Variants in TMEM132D observed in about 807,000 individuals in gnomAD.
TMEM132D encodes the protein transmembrane protein 132D.
A neutral mutation model predicts 62.3 loss-of-function variants in TMEM132D; 21 were observed. The observed-to-expected ratio is 0.34, with a 90% CI of 0.24 to 0.49. TMEM132D has a LOEUF of 0.49. TMEM132D is among the 20% of genes least tolerant of loss of function. The probability of loss-of-function intolerance (pLI) is 0.99; values close to 1 mark genes in which losing one functional copy is unlikely to be tolerated. For synonymous variants in TMEM132D, 621 were observed against 575.6 expected (o/e 1.08, Z -1.13); for missense variants, 1,346 against 1,402.8 (o/e 0.96, Z 0.65).
intron 5 of TMEM132D, among the ~76,000 whole-genome samples, chr12:129,128,742 C>G (rs1307286122): frequency 1.3e-5 from 2 of 152,094 alleles, no homozygotes; most frequent in Non-Finnish European, 2.9e-5. Context: ...AACCCTCACC[C>G]CCTCCCATCC....
At position 129,090,776 on chromosome 12, in the gene TMEM132D, G is replaced by A. The variant is rs564303814; in HGVS notation, c.1444-6074C>T. Among the ~76,000 whole-genome samples, 26 of 152,262 alleles carry A rather than the reference G, an allele frequency of 1.7e-4. No homozygotes were observed. In the East Asian group the frequency reaches 4.2e-3, roughly 25 times the overall value. ...CTTAGAAATTTAGATTTCTAGCATC[G>A]CTTGAGAATTCAGACACTGGCAAAA... On this transcript the variant is annotated intron_variant, in intron 5 of 8. Coordinates refer to ENST00000422113, the MANE Select transcript of TMEM132D (RefSeq NM_133448.3).
At chr12:129,501,945 C>T (rs1465224617) in intron 3 of TMEM132D, among the ~76,000 whole-genome samples, 1 of 152,158 alleles carries the variant, frequency 6.6e-6, no homozygotes, top group Non-Finnish European at 1.5e-5. Context: ...TTCAAGTCCT[C>T]CATCTGTGAA....
chr12:129,779,729 C>A lies in TMEM132D; in HGVS notation c.80-79031G>T, dbSNP rs1871061771. 6.6e-6 allele frequency among the ~76,000 whole-genome samples: 1 copy of A among 152,128 alleles called. No individual in the cohort carries two copies. Among genetic ancestry groups the A allele is most frequent in the South Asian group, 2.1e-4 (1 of 4,824 alleles). ...AGACACAGCTCTTGTTCTGGCGAGT[C>A]TCATTACTTATGGTTTATTCTGGGA... On this transcript the variant is annotated intron_variant, in intron 1 of 8. Transcript: ENST00000422113. The surrounding 1 kb of genome is among the most constrained non-coding windows in gnomAD (Gnocchi z 4.1).
intron 5 of TMEM132D, among the ~76,000 whole-genome samples, chr12:129,088,292 C>CG (rs1338933162): frequency 8.9e-5 from 3 of 33,890 alleles, no homozygotes; most frequent in African/African-American, 6.9e-4. Flanking sequence ...CCTCTATGAC[C>CG]GGGTGTCCTC....
intron 3 of TMEM132D, among the ~76,000 whole-genome samples, chr12:129,357,679 AAG>A (rs140748378): frequency 6.6e-6 from 1 of 151,460 alleles, no homozygotes; most frequent in Non-Finnish European, 1.5e-5. Flanking sequence ...GAGAGAAAGA[AAG>A]AGAGAGAGAG....
rs546381508 is a variant in TMEM132D, at chr12:129,133,080, C to G, written c.1444-48378G>C. ...TTCTCTTCTGGGTTCCTGAGACATCCTCAGGCTGTGCTGCAGTCGGGGGTT... is the reference window on the plus strand; with the variant it reads ...TTCTCTTCTGGGTTCCTGAGACATCGTCAGGCTGTGCTGCAGTCGGGGGTT... On this transcript the variant is annotated intron_variant, in intron 5 of 8. Coordinates refer to ENST00000422113, the MANE Select transcript of TMEM132D (RefSeq NM_133448.3). 2.2e-4 allele frequency among the ~76,000 whole-genome samples: 34 copies of G among 152,344 alleles called. 1 individual carries two copies. In the South Asian group the frequency reaches 6.8e-3, roughly 31 times the overall value.
intron 2 of TMEM132D, among the ~76,000 whole-genome samples, chr12:129,658,388 A>G (rs1409782556): frequency 6.6e-6 from 1 of 152,218 alleles, no homozygotes; most frequent in South Asian, 2.1e-4. Flanking sequence ...GCTACAAAAC[A>G]ATGCATGATT....
At chr12:129,206,864 C>G (rs566298000) in intron 5 of TMEM132D, among the ~76,000 whole-genome samples, 1 of 152,036 alleles carries the variant, frequency 6.6e-6, no homozygotes, top group African/African-American at 2.4e-5. Context: ...ACCAAATACT[C>G]CATGTTCTTG....
rs114101695 is a variant in TMEM132D, at chr12:129,156,766, T to A, written c.1443+52754A>T. On this transcript the variant is annotated intron_variant, in intron 5 of 8. Transcript: ENST00000422113. Reference sequence around the variant, plus strand: ...ATCACTTCCATGATAACTAACCCACTCCCAAGATAACAAACTCACTCCCAT... The same window carrying A: ...ATCACTTCCATGATAACTAACCCACACCCAAGATAACAAACTCACTCCCAT... Among the ~76,000 whole-genome samples, 749 of 151,956 alleles carry A rather than the reference T, an allele frequency of 4.9e-3. 7 individuals carry two copies. The highest frequency in any genetic ancestry group is 0.016 in the African/African-American group (674 of 41,426).
At chr12:129,841,010 T>C (rs923636535) in intron 1 of TMEM132D, among the ~76,000 whole-genome samples, 5 of 152,220 alleles carry the variant, frequency 3.3e-5, no homozygotes, top group African/African-American at 1.2e-4. Flanking sequence ...TGGGGGAGTC[T>C]CTGGCAGAGT....
At chr12:129,732,322 C>T (rs1012536072) in intron 1 of TMEM132D, among the ~76,000 whole-genome samples, 1 of 152,152 alleles carries the variant, frequency 6.6e-6, no homozygotes, top group Non-Finnish European at 1.5e-5. Context: ...TGAGGTGGCT[C>T]AGGGTGGCCC....
chr12:129,172,783 G>T (rs1877773668), intron 5 of TMEM132D, among the ~76,000 whole-genome samples: 1 of 152,116 alleles, frequency 6.6e-6, no homozygotes. Context: ...TCTCTATGTT[G>T]GTCAGGCTGG....
At chr12:129,136,887 TCAC>T (rs1876587797) in intron 5 of TMEM132D, among the ~76,000 whole-genome samples, 1 of 145,010 alleles carries the variant, frequency 6.9e-6, no homozygotes, top group African/African-American at 2.6e-5. Flanking sequence ...ACTATCATCA[TCAC>T]CACCATCATC....
chr12:129,524,021 C>T (rs1023626470), intron 3 of TMEM132D, among the ~76,000 whole-genome samples: 2 of 151,760 alleles, frequency 1.3e-5, no homozygotes, highest in African/African-American at 4.8e-5. Flanking sequence ...CAAACACTGG[C>T]TTTGAACAAT....
At chr12:129,708,970 A>C (rs982117378) in intron 1 of TMEM132D, among the ~76,000 whole-genome samples, 5 of 152,218 alleles carry the variant, frequency 3.3e-5, no homozygotes, top group Non-Finnish European at 5.9e-5. Flanking sequence ...AGAACTTTCC[A>C]GAGTGAGTGT....
chr12:129,826,124 T>C (rs886977500), intron 1 of TMEM132D, among the ~76,000 whole-genome samples: 3 of 152,100 alleles, frequency 2.0e-5, no homozygotes, highest in Non-Finnish European at 4.4e-5. Flanking sequence ...ACTTGCTGCA[T>C]CCCTGAACTG....
intron 1 of TMEM132D, among the ~76,000 whole-genome samples, chr12:129,809,406 A>G (rs1049127439): frequency 2.0e-5 from 3 of 151,984 alleles, no homozygotes; most frequent in Non-Finnish European, 4.4e-5. Context: ...AATCACTCCA[A>G]GGGGAAGGAA....
At chr12:129,261,052 G>C (rs190281428) in intron 4 of TMEM132D, among the ~76,000 whole-genome samples, 34 of 152,280 alleles carry the variant, frequency 2.2e-4, no homozygotes, top group African/African-American at 7.5e-4. Flanking sequence ...TGGATCAAAT[G>C]GTAGGTCTAC....
chr12:129,694,793 G>A (rs1184034969), intron 2 of TMEM132D, among the ~76,000 whole-genome samples: 3 of 152,208 alleles, frequency 2.0e-5, no homozygotes. Flanking sequence ...CAGCTCACGA[G>A]GTCAGGAGAT....
Sources: allele counts gnomAD v4.1 joint callset (sites outside exome capture counted in the v4.1 genomes callset), GRCh38; gene constraint gnomAD v4.1.1; non-coding constraint Gnocchi (gnomAD v3.1); transcripts MANE v1.5; gene names NCBI Gene and HGNC (gene_info 2026-07-23, HGNC 2026-07-21).